The following LHFPL3 variants were observed in gnomAD, a reference collection of about 807,000 sequenced individuals.
LHFPL3 encodes the protein LHFPL tetraspan subfamily member 3 protein.
A neutral mutation model predicts 19.3 loss-of-function variants in LHFPL3; 5 were observed. The ratio of observed to expected loss-of-function variants is 0.26; its 90% CI spans 0.14 to 0.54. LHFPL3 has a LOEUF of 0.54. Among genes scored for constraint, LHFPL3 ranks in the 20% least tolerant of loss-of-function variants. The pLI is 0.94. For synonymous variants in LHFPL3, 133 were observed against 126.2 expected, an observed-to-expected ratio of 1.05 and a Z score of -0.36; for missense variants, 249 against 307.4, an observed-to-expected ratio of 0.81 and a Z score of 1.42.
At chr7:104,746,351 G>C (rs1794046394) in intron 2 of LHFPL3, among the ~76,000 whole-genome samples, 1 of 152,086 alleles carries the variant, frequency 6.6e-6, no homozygotes, top group Admixed American at 6.6e-5. Flanking sequence ...CCACTCCAGA[G>C]AGTCTCATTC....
chr7:104,790,026 C>G (rs567908536), intron 2 of LHFPL3, among the ~76,000 whole-genome samples: 10 of 152,248 alleles, frequency 6.6e-5, no homozygotes, highest in African/African-American at 2.2e-4. Flanking sequence ...ATTTATCCTG[C>G]TAGGTTTCTG....
chr7:104,498,048 C>T (rs1047115506), intron 1 of LHFPL3, among the ~76,000 whole-genome samples: 1 of 142,210 alleles, frequency 7.0e-6, no homozygotes, highest in African/African-American at 2.7e-5. Context: ...GCCCAAGGCC[C>T]AAATAATTTT....
chr7:104,659,249 T>C (rs1183048208), intron 1 of LHFPL3, among the ~76,000 whole-genome samples: 1 of 152,206 alleles, frequency 6.6e-6, no homozygotes, highest in African/African-American at 2.4e-5. Flanking sequence ...ATGTGGAAGA[T>C]GGCTAGTTCT....
In LHFPL3 at chr7:104,331,881, C is replaced by T. The variant is rs916729168; in HGVS notation, c.445+2657C>T. On this transcript the variant is annotated intron_variant, in intron 1 of 2. Coordinates refer to ENST00000424859, the MANE Select transcript of LHFPL3 (RefSeq NM_199000.3). ...AGGAGAATCTCTTGAGCTTGGGAGGCGGAAGCTGCAGTGAGCCGAGATTGC... is the reference window on the plus strand; with the variant it reads ...AGGAGAATCTCTTGAGCTTGGGAGGTGGAAGCTGCAGTGAGCCGAGATTGC... 3.3e-5 allele frequency among the ~76,000 whole-genome samples: 5 copies of T among 151,104 alleles called. No individual in the cohort carries two copies. In the South Asian group the frequency reaches 6.3e-4, roughly 19 times the overall value.
intron 2 of LHFPL3, among the ~76,000 whole-genome samples, chr7:104,806,081 C>T (rs979897337): frequency 7.9e-5 from 12 of 152,190 alleles, no homozygotes; most frequent in African/African-American, 1.2e-4. Context: ...GCAGGAACTA[C>T]GACAGTCTTT....
chr7:104,403,131 A>G (rs1039838434), intron 1 of LHFPL3, among the ~76,000 whole-genome samples: 1 of 152,216 alleles, frequency 6.6e-6, no homozygotes, highest in African/African-American at 2.4e-5. Context: ...CCACCATGAC[A>G]TGTGTATACC....
At chr7:104,713,922 C>A (rs1793340072) in intron 1 of LHFPL3, among the ~76,000 whole-genome samples, 1 of 152,122 alleles carries the variant, frequency 6.6e-6, no homozygotes, top group African/African-American at 2.4e-5. Flanking sequence ...CCAAAACCCC[C>A]CTCAGCTCTG....
At chr7:104,877,581 C>G (rs1278926425) in intron 2 of LHFPL3, among the ~76,000 whole-genome samples, 1 of 152,150 alleles carries the variant, frequency 6.6e-6, no homozygotes, top group African/African-American at 2.4e-5. Flanking sequence ...TATCACTTCC[C>G]ATCCACTAGG....
At chr7:104,612,199 C>T (rs1791224859) in intron 1 of LHFPL3, among the ~76,000 whole-genome samples, 2 of 152,156 alleles carry the variant, frequency 1.3e-5, no homozygotes, top group South Asian at 4.1e-4. Context: ...GGCTTTTAAT[C>T]CCAGCTCCTC....
At chr7:104,763,477 G>T (rs894976108) in intron 2 of LHFPL3, among the ~76,000 whole-genome samples, 1 of 152,216 alleles carries the variant, frequency 6.6e-6, no homozygotes, top group African/African-American at 2.4e-5. Flanking sequence ...ATGGCTTACT[G>T]CATGCCGTCT....
intron 1 of LHFPL3, among the ~76,000 whole-genome samples, chr7:104,734,702 C>G (rs575150834): frequency 1.3e-5 from 2 of 152,320 alleles, no homozygotes; most frequent in East Asian, 3.9e-4. Flanking sequence ...TCATCTGAAG[C>G]CTTCTTCTCT....
intron 1 of LHFPL3, among the ~76,000 whole-genome samples, chr7:104,713,324 T>C (rs912923676): frequency 8.5e-5 from 13 of 152,248 alleles, no homozygotes; most frequent in African/African-American, 3.1e-4. Flanking sequence ...CACATTGCTA[T>C]AAAGAACTAC....
intron 1 of LHFPL3, among the ~76,000 whole-genome samples, chr7:104,612,207 C>T (rs1270732222): frequency 6.6e-6 from 1 of 152,196 alleles, no homozygotes; most frequent in Non-Finnish European, 1.5e-5. Context: ...ATCCCAGCTC[C>T]TCTGCCTATT....
intron 2 of LHFPL3, 34 bp downstream of exon 2, chr7:104,736,945 C>T (rs1195706034): frequency 2.0e-6 from 3 of 1,501,136 alleles, no homozygotes; most frequent in East Asian, 4.8e-5. Flanking sequence ...TACCTGGATG[C>T]CTCAAGCACA....
At chr7:104,434,177 T>A (rs1044992022) in intron 1 of LHFPL3, among the ~76,000 whole-genome samples, 1 of 152,224 alleles carries the variant, frequency 6.6e-6, no homozygotes, top group African/African-American at 2.4e-5. Context: ...TACAGAGGAC[T>A]AACTCCCCTT....
intron 2 of LHFPL3, among the ~76,000 whole-genome samples, chr7:104,899,017 C>G (rs951715186): frequency 6.6e-6 from 1 of 151,240 alleles, no homozygotes; most frequent in Admixed American, 6.6e-5. Flanking sequence ...GTGGGAAGAT[C>G]GCTTGAGCCC....
At chr7:104,338,162 G>A (rs1269629285) in intron 1 of LHFPL3, among the ~76,000 whole-genome samples, 1 of 139,478 alleles carries the variant, frequency 7.2e-6, no homozygotes, top group Admixed American at 7.9e-5. Flanking sequence ...GCAGTGGCGC[G>A]ATCTCAGCCC....
chr7:104,653,973 A>C (rs868662915), intron 1 of LHFPL3, among the ~76,000 whole-genome samples: 1 of 152,172 alleles, frequency 6.6e-6, no homozygotes, highest in African/African-American at 2.4e-5. Flanking sequence ...CTTAAGCTTA[A>C]TTGGGAGCAA....
intron 1 of LHFPL3, among the ~76,000 whole-genome samples, chr7:104,505,314 G>A (rs914438960): frequency 5.3e-5 from 8 of 152,206 alleles, no homozygotes; most frequent in African/African-American, 7.2e-5. Context: ...TTTTAAAGCC[G>A]TCACATTCAA....
Sources: allele counts gnomAD v4.1 joint callset (sites outside exome capture counted in the v4.1 genomes callset), GRCh38; gene constraint gnomAD v4.1.1; transcripts MANE v1.5; gene names NCBI Gene and HGNC (gene_info 2026-07-23, HGNC 2026-07-21).